CLPB: variants seen among roughly 807,000 people sequenced by gnomAD.
CLPB encodes mitochondrial disaggregase.
In CLPB, 40 loss-of-function variants were observed where a neutral mutation model predicts 78.4. The observed-to-expected ratio is 0.51, with a 90% CI of 0.40 to 0.66. CLPB has a LOEUF of 0.66. Ranked by LOEUF, CLPB falls within the 30% of genes least tolerant of loss-of-function variation. The pLI is 0.00. For synonymous variants in CLPB, 333 were observed against 348.0 expected (o/e 0.96, Z 0.48); for missense variants, 780 against 886.9 (o/e 0.88, Z 1.53).
intron 6 of CLPB, among the ~76,000 whole-genome samples, chr11:72,322,209 G>A (rs923050581): frequency 6.6e-6 from 1 of 152,060 alleles, no homozygotes; most frequent in Admixed American, 6.6e-5. Context: ...TCACTAGGTC[G>A]GCATCCCAGA....
intron 9 of CLPB, 61 bp from the exon 10 acceptor site, chr11:72,302,409 A>G: frequency 6.9e-7 from 1 of 1,453,126 alleles, no homozygotes; most frequent in South Asian, 1.1e-5. Flanking sequence ...GAGAAGGGTT[A>G]GGGAGGAGAG....
At chr11:72,327,079 A>G (rs111955058) in intron 6 of CLPB, among the ~76,000 whole-genome samples, 2 of 152,218 alleles carry the variant, frequency 1.3e-5, no homozygotes, top group African/African-American at 4.8e-5. Context: ...GGATGAAATG[A>G]TCTTCCAGCT....
chr11:72,386,535 A>AAT (rs1855082989), intron 3 of CLPB, among the ~76,000 whole-genome samples: 2 of 152,202 alleles, frequency 1.3e-5, no homozygotes, highest in Non-Finnish European at 2.9e-5. Context: ...TTCAACAGGC[A>AAT]CAGTATCTGA....
At chr11:72,300,399 G>A (rs928612737) in intron 11 of CLPB, among the ~76,000 whole-genome samples, 1 of 152,180 alleles carries the variant, frequency 6.6e-6, no homozygotes, top group Non-Finnish European at 1.5e-5. Context: ...TTCGGGTCTG[G>A]TCATAGCTGT....
chr11:72,325,745 C>T (rs928378299), intron 6 of CLPB, among the ~76,000 whole-genome samples: 3 of 152,070 alleles, frequency 2.0e-5, no homozygotes, highest in African/African-American at 7.2e-5. Flanking sequence ...GTCTGATAAT[C>T]GAGGACATAA....
chr11:72,334,307 G>GA, intron 5 of CLPB, among the ~76,000 whole-genome samples: 1 of 152,262 alleles, frequency 6.6e-6, no homozygotes, highest in African/African-American at 2.4e-5. Context: ...AAGCAGTACG[G>GA]CGCCTGTCTC....
Position 72,389,589 on chromosome 11 carries a change from G to T in CLPB, c.543-9205C>A, listed in dbSNP as rs757375578. Among the ~76,000 whole-genome samples, 4 of 152,154 alleles carry T rather than the reference G, an allele frequency of 2.6e-5. 1 individual carries two copies. The highest frequency in any genetic ancestry group is 4.1e-4 in the South Asian group (2 of 4,834). On this transcript the variant is annotated intron_variant, in intron 3 of 15. Transcript: ENST00000538039. ...ATATCAGGACACATCTCCACTCAAA[G>T]GAATTACTCCACAGGCACTCACTGG...
Position 72,302,272 on chromosome 11 carries a change from C to T in CLPB, c.1167+32G>A, listed in dbSNP as rs112652607. 43 of 1,611,410 alleles carry T rather than the reference C, an allele frequency of 2.7e-5. 1 individual carries two copies. Among genetic ancestry groups the T allele is most frequent in the African/African-American group, 2.1e-4 (16 of 74,996 alleles). ...CAGTCATGCTGACAAGCCCTCCAAACCATGCTTCAATCAAGGACTGTCATC... is the reference window on the plus strand; with the variant it reads ...CAGTCATGCTGACAAGCCCTCCAAATCATGCTTCAATCAAGGACTGTCATC... On this transcript the variant is annotated intron_variant, in intron 10 of 15. Transcript: ENST00000538039.
At chr11:72,393,579 T>C (rs751706943) in intron 3 of CLPB, among the ~76,000 whole-genome samples, 4 of 152,150 alleles carry the variant, frequency 2.6e-5, no homozygotes, top group Non-Finnish European at 5.9e-5. Flanking sequence ...TTCACTACCA[T>C]AGTATACATA....
intron 3 of CLPB, among the ~76,000 whole-genome samples, chr11:72,389,691 T>G (rs948328373): frequency 1.5e-4 from 23 of 152,092 alleles, no homozygotes; most frequent in African/African-American, 5.6e-4. Context: ...TCTGGGAGAC[T>G]GAGGAAGGAG....
chr11:72,346,237 C>T (rs1375656161), intron 5 of CLPB, among the ~76,000 whole-genome samples: 2 of 152,040 alleles, frequency 1.3e-5, no homozygotes, highest in Admixed American at 6.5e-5. Context: ...GCCTGGACAA[C>T]ATAGCTAGAT....
chr11:72,336,057 C>CT (rs1200854263), intron 5 of CLPB, among the ~76,000 whole-genome samples: 1 of 151,846 alleles, frequency 6.6e-6, no homozygotes, highest in Non-Finnish European at 1.5e-5. Context: ...CCTGCCTTTC[C>CT]TAGGGAGAGT....
rs75283690 is a variant in CLPB, at chr11:72,423,881, C to T, written c.455+6431G>A. Among the ~76,000 whole-genome samples, 610 of 152,324 alleles carry T rather than the reference C, an allele frequency of 4.0e-3. 12 individuals carry two copies. In the East Asian group the frequency reaches 0.063, roughly 16 times the overall value. The stretch of plus-strand genomic sequence containing the variant: ...GCCTTCTCTCAATTCCTCAATTTCT[C>T]CACATCTTTGAGTCAGGACCTTCCA... On this transcript the variant is annotated intron_variant, in intron 2 of 15. Transcript: ENST00000538039.
chr11:72,424,555 G>A (rs565593378), intron 2 of CLPB, among the ~76,000 whole-genome samples: 84 of 151,868 alleles, frequency 5.5e-4, no homozygotes, highest in Middle Eastern at 3.4e-3. Context: ...TCAGGGGTTC[G>A]AGATCAGTCT....
intron 4 of CLPB, among the ~76,000 whole-genome samples, chr11:72,371,692 T>C (rs547129041): frequency 1.0e-3 from 154 of 152,294 alleles, no homozygotes; most frequent in African/African-American, 3.5e-3. Flanking sequence ...CTTGCGATTA[T>C]AGGCATGAGC....
At chr11:72,376,123 G>T (rs1265335767) in intron 4 of CLPB, among the ~76,000 whole-genome samples, 1 of 152,088 alleles carries the variant, frequency 6.6e-6, no homozygotes, top group Non-Finnish European at 1.5e-5. Context: ...CGAAGGAAAG[G>T]GAATTACATC....
intron 4 of CLPB, among the ~76,000 whole-genome samples, chr11:72,364,280 G>A (rs746344359): frequency 9.2e-5 from 14 of 152,092 alleles, no homozygotes; most frequent in East Asian, 5.8e-4. Flanking sequence ...TGCAACCTCC[G>A]CAACACTGCA....
At chr11:72,403,855 C>T (rs1011859336) in intron 2 of CLPB, among the ~76,000 whole-genome samples, 2 of 152,164 alleles carry the variant, frequency 1.3e-5, no homozygotes, top group East Asian at 1.9e-4. Context: ...AAAGGACCAA[C>T]AATGTAGGGG....
At chr11:72,417,077 T>C (rs2135127291) in intron 2 of CLPB, among the ~76,000 whole-genome samples, 1 of 152,310 alleles carries the variant, frequency 6.6e-6, no homozygotes, top group Middle Eastern at 3.4e-3. Flanking sequence ...AGGTATACAC[T>C]GAAGAGACAT....
Sources: allele counts gnomAD v4.1 joint callset (sites outside exome capture counted in the v4.1 genomes callset), GRCh38; gene constraint gnomAD v4.1.1; transcripts MANE v1.5; gene names NCBI Gene and HGNC (gene_info 2026-07-23, HGNC 2026-07-21).